NUDCD3: variants seen among roughly 807,000 people sequenced by gnomAD.
NUDCD3 encodes the protein nudC domain-containing protein 3.
NUDCD3 carries 13 observed loss-of-function variants against 39.7 expected under a neutral mutation model. The observed-to-expected ratio is 0.33, with a 90% confidence interval of 0.21 to 0.52. NUDCD3 has a LOEUF of 0.52. Among genes scored for constraint, NUDCD3 ranks in the 20% least tolerant of loss-of-function variants. The probability of loss-of-function intolerance (pLI) is 0.96; values close to 1 mark genes in which losing one functional copy is unlikely to be tolerated. For synonymous variants in NUDCD3, 175 were observed against 172.4 expected (o/e 1.02, Z -0.12); for missense variants, 453 against 458.1 (o/e 0.99, Z 0.10).
At chr7:44,473,522 G>A (rs74999119) in intron 2 of NUDCD3, among the ~76,000 whole-genome samples, 3 of 152,084 alleles carry the variant, frequency 2.0e-5, no homozygotes, top group East Asian at 3.8e-4. Flanking sequence ...CTAGTGCAAG[G>A]GTTCACAGCA....
At chr7:44,424,211 T>C (rs930421477) in intron 3 of NUDCD3, among the ~76,000 whole-genome samples, 18 of 152,086 alleles carry the variant, frequency 1.2e-4, no homozygotes, top group Admixed American at 2.0e-4. Flanking sequence ...ACCTAGGCAA[T>C]AGCATTCAGG....
chr7:44,430,570 TCACA>T (rs58853542), intron 2 of NUDCD3, among the ~76,000 whole-genome samples: 8,753 of 125,820 alleles, frequency 0.07, 270 homozygotes, highest in African/African-American at 0.08. Flanking sequence ...ACACACACAC[TCACA>T]CACACACACA....
chr7:44,386,030 G>A lies in NUDCD3; in HGVS notation c.1067C>T (p.Pro356Leu), dbSNP rs776014477. 2.5e-5 allele frequency: 38 copies of A among 1,544,416 alleles called. No individual in the cohort carries two copies. The highest frequency in any genetic ancestry group is 3.1e-5 in the Non-Finnish European group (35 of 1,116,502). The change falls in exon 6 of 6, where the codon CCG becomes CTG. Residue 356 changes from proline to leucine, a missense_variant. By Grantham distance (98) the Pro-to-Leu change is moderately conservative. Coordinates refer to ENST00000355451, the MANE Select transcript of NUDCD3 (RefSeq NM_015332.4). ...RFDPAMFNIS[P>L]GAVQF ...TGGTCATTAAAACTGCACAGCCCCC[G>A]GGGAGATGTTGAACATGGCAGGGTC...
At chr7:44,438,885 A>G (rs975680717) in intron 2 of NUDCD3, among the ~76,000 whole-genome samples, 1 of 152,206 alleles carries the variant, frequency 6.6e-6, no homozygotes, top group African/African-American at 2.4e-5. Flanking sequence ...ATTTCTCACT[A>G]TAACTACAGG....
intron 1 of NUDCD3, among the ~76,000 whole-genome samples, chr7:44,488,949 C>T (rs1323543766): frequency 6.6e-6 from 1 of 152,206 alleles, no homozygotes; most frequent in Non-Finnish European, 1.5e-5. Context: ...TATAAAACAT[C>T]TGATACTATA....
At chr7:44,446,945 TA>T (rs915035235) in intron 2 of NUDCD3, among the ~76,000 whole-genome samples, 1 of 152,196 alleles carries the variant, frequency 6.6e-6, no homozygotes, top group Admixed American at 6.5e-5. Context: ...GAATTCTCTG[TA>T]GTGAATTATA....
At chr7:44,454,323 A>C (rs1037288629) in intron 2 of NUDCD3, among the ~76,000 whole-genome samples, 2 of 152,164 alleles carry the variant, frequency 1.3e-5, no homozygotes, top group Admixed American at 1.3e-4. Context: ...TGGGTGACGG[A>C]GTGAGACTCT....
intron 3 of NUDCD3, among the ~76,000 whole-genome samples, chr7:44,413,651 T>G (rs929325102): frequency 2.0e-5 from 3 of 152,226 alleles, no homozygotes; most frequent in Non-Finnish European, 2.9e-5. Flanking sequence ...TTTGATAACA[T>G]ACTATTGTCA....
At chr7:44,442,196 T>C (rs1308766000) in intron 2 of NUDCD3, among the ~76,000 whole-genome samples, 1 of 152,202 alleles carries the variant, frequency 6.6e-6, no homozygotes, top group Non-Finnish European at 1.5e-5. Flanking sequence ...CAAATAATAT[T>C]GTTATCATCA....
At chr7:44,447,630 C>T (rs1038227273) in intron 2 of NUDCD3, among the ~76,000 whole-genome samples, 6 of 152,148 alleles carry the variant, frequency 3.9e-5, no homozygotes, top group Admixed American at 1.3e-4. Context: ...CCTGCCAGAG[C>T]CTTGATCTTG....
At chr7:44,393,706 T>C (rs1383084609) in intron 4 of NUDCD3, among the ~76,000 whole-genome samples, 3 of 152,158 alleles carry the variant, frequency 2.0e-5, no homozygotes, top group Non-Finnish European at 4.4e-5. Flanking sequence ...CTGATGGGAT[T>C]AAACCACTAG....
Position 44,445,402 on chromosome 7 carries a change from C to T in NUDCD3, c.510-17699G>A, listed in dbSNP as rs994374829. Among the ~76,000 whole-genome samples, 4 of 152,184 alleles carry T rather than the reference C, an allele frequency of 2.6e-5. 1 individual carries two copies. The highest frequency in any genetic ancestry group is 1.3e-4 in the Admixed American group (2 of 15,280). ...ATGCACAGTGTGGTCCCTGCCAGCC[C>T]CATCCCTGTTCACTCCCTTCCCCTA... On this transcript the variant is annotated intron_variant, in intron 2 of 5. Coordinates refer to ENST00000355451, the MANE Select transcript of NUDCD3 (RefSeq NM_015332.4).
At position 44,452,824 on chromosome 7, in the gene NUDCD3, A is replaced by C. The variant is rs77375861; in HGVS notation, c.510-25121T>G. 8.0e-3 allele frequency among the ~76,000 whole-genome samples: 1,221 copies of C among 152,330 alleles called. 9 individuals are homozygous for C. The highest frequency in any genetic ancestry group is 0.027 in the African/African-American group (1,136 of 41,588). On this transcript the variant is annotated intron_variant, in intron 2 of 5. Coordinates refer to ENST00000355451, the MANE Select transcript of NUDCD3 (RefSeq NM_015332.4). ...GAACTCACACACACAAAAGGTTGAT[A>C]TCACTTGGGCCATAAATGTAAATTC...
At chr7:44,474,417 T>C (rs1027398509) in intron 2 of NUDCD3, among the ~76,000 whole-genome samples, 8 of 152,198 alleles carry the variant, frequency 5.3e-5, no homozygotes, top group Admixed American at 3.3e-4. Flanking sequence ...TCTAAATGTA[T>C]GATTTTAAGC....
At position 44,385,804 on chromosome 7, in the gene NUDCD3, G is replaced by A. The variant is rs1030221618; in HGVS notation, c.*207C>T. The A allele has an allele frequency of 1.8e-5, 10 of 560,060 alleles. No homozygotes were observed. The highest frequency in any genetic ancestry group is 3.8e-5 in the African/African-American group (2 of 52,996). The allele number at this position is 560,060 out of a possible 1,614,324, so 34.7% of individuals were successfully genotyped here. On this transcript the variant is annotated 3_prime_UTR_variant, in exon 6 of 6. Transcript: ENST00000355451. ...ACCTTCACTCAGTGTCAGCCACAGCGGCCACCACATAGCAGCTGGCCCCGC... is the reference window on the plus strand; with the variant it reads ...ACCTTCACTCAGTGTCAGCCACAGCAGCCACCACATAGCAGCTGGCCCCGC...
chr7:44,428,032 G>T (rs886706746), intron 2 of NUDCD3, among the ~76,000 whole-genome samples: 1 of 150,826 alleles, frequency 6.6e-6, no homozygotes, highest in African/African-American at 2.4e-5. Context: ...TGAGATCCAG[G>T]CCTGTTAATT....
intron 4 of NUDCD3, among the ~76,000 whole-genome samples, chr7:44,393,942 G>A (rs1798570635): frequency 6.6e-6 from 1 of 152,130 alleles, no homozygotes; most frequent in Non-Finnish European, 1.5e-5. Flanking sequence ...GCTTGAGAGA[G>A]CAGTGTCCTA....
At chr7:44,407,566 C>CAAAA (rs758475229) in intron 3 of NUDCD3, among the ~76,000 whole-genome samples, 4 of 48,410 alleles carry the variant, frequency 8.3e-5, no homozygotes, top group African/African-American at 2.1e-4. Flanking sequence ...AATTCTGTCT[C>CAAAA]AAAAAAAAAA....
Position 44,383,140 on chromosome 7 carries a change from C to A in NUDCD3, c.*2871G>T, listed in dbSNP as rs1798337264. 1 of 152,252 alleles carries A rather than the reference C, an allele frequency of 6.6e-6. No homozygotes were observed. Among genetic ancestry groups the A allele is most frequent in the Non-Finnish European group, 1.5e-5 (1 of 68,088 alleles). The allele number at this position is 152,252 out of a possible 1,614,324, so 9.4% of individuals were successfully genotyped here. A position where few individuals can be genotyped will look rare whatever the true frequency, so the allele number is the denominator to read the frequency against. On this transcript the variant is annotated 3_prime_UTR_variant, in exon 6 of 6. Transcript: ENST00000355451. ...TGAGGAAGAAGCAGGTGGCCAGCCA[C>A]CTGGGAGACTTCTGTGTCAGACACG... is the stretch of plus-strand genomic sequence containing the variant.
Sources: allele counts gnomAD v4.1 joint callset (sites outside exome capture counted in the v4.1 genomes callset), GRCh38; gene constraint gnomAD v4.1.1; transcripts MANE v1.5; gene names NCBI Gene and HGNC (gene_info 2026-07-23, HGNC 2026-07-21).